EIF2B3: variants seen among roughly 807,000 people sequenced by gnomAD.
EIF2B3 encodes the protein eukaryotic translation initiation factor 2B subunit gamma.
In EIF2B3, 20 loss-of-function variants were observed where a neutral mutation model predicts 54.1. The ratio of observed to expected loss-of-function variants is 0.37; its 90% confidence interval spans 0.26 to 0.54. The LOEUF is 0.54. Ranked by LOEUF, EIF2B3 falls within the 20% of genes least tolerant of loss-of-function variation. The pLI, the probability that EIF2B3 is intolerant of heterozygous loss-of-function variation, is 0.86. For synonymous variants in EIF2B3, 153 were observed against 188.1 expected (o/e 0.81, Z 1.52); for missense variants, 448 against 547.8 (o/e 0.82, Z 1.82).
chr1:44,929,477 T>A (rs1462333858), intron 4 of EIF2B3, among the ~76,000 whole-genome samples: 2 of 152,192 alleles, frequency 1.3e-5, no homozygotes, highest in Non-Finnish European at 2.9e-5. Flanking sequence ...AATTATATGT[T>A]GGGGTTTTTT....
chr1:44,972,750 C>T (rs1644415402), intron 3 of EIF2B3, among the ~76,000 whole-genome samples: 1 of 152,086 alleles, frequency 6.6e-6, no homozygotes, highest in Non-Finnish European at 1.5e-5. Flanking sequence ...TCACTGCAAC[C>T]TTCACCTCTC....
intron 3 of EIF2B3, among the ~76,000 whole-genome samples, chr1:44,962,832 C>T (rs1405090133): frequency 6.6e-6 from 1 of 152,208 alleles, no homozygotes; most frequent in Non-Finnish European, 1.5e-5. Context: ...TGGACAAACT[C>T]TTTGTGCCAG....
intron 5 of EIF2B3, among the ~76,000 whole-genome samples, chr1:44,916,051 T>C (rs1004858525): frequency 1.8e-4 from 27 of 152,300 alleles, no homozygotes; most frequent in African/African-American, 6.5e-4. Flanking sequence ...TATCTCTTGA[T>C]TTTTGGCAGT....
At chr1:44,977,432 A>G (rs1351318793) in intron 3 of EIF2B3, among the ~76,000 whole-genome samples, 2 of 151,948 alleles carry the variant, frequency 1.3e-5, no homozygotes, top group African/African-American at 2.4e-5. Context: ...CAAACTTCAT[A>G]TGAATGGAAT....
At chr1:44,893,097 T>C (rs751948629) in intron 6 of EIF2B3, among the ~76,000 whole-genome samples, 1 of 152,212 alleles carries the variant, frequency 6.6e-6, no homozygotes, top group Non-Finnish European at 1.5e-5. Context: ...TCTCTTTCTG[T>C]CTACCAGGCT....
chr1:44,903,951 C>T (rs1282057069), intron 5 of EIF2B3, among the ~76,000 whole-genome samples: 1 of 152,114 alleles, frequency 6.6e-6, no homozygotes, highest in African/African-American at 2.4e-5. Flanking sequence ...GTAGCACACA[C>T]CTGTAATCTC....
chr1:44,873,981 T>A (rs1362218837), intron 10 of EIF2B3, among the ~76,000 whole-genome samples: 4 of 151,884 alleles, frequency 2.6e-5, no homozygotes, highest in South Asian at 4.2e-4. Flanking sequence ...TTTTTTAAAA[T>A]TTTTTTGAAT....
intron 5 of EIF2B3, among the ~76,000 whole-genome samples, chr1:44,918,228 C>T (rs1029899123): frequency 3.3e-5 from 5 of 149,958 alleles, no homozygotes; most frequent in Non-Finnish European, 4.4e-5. Context: ...GGATTACATG[C>T]ATCCACCACC....
intron 3 of EIF2B3, among the ~76,000 whole-genome samples, chr1:44,968,991 G>A (rs868587312): frequency 1.4e-4 from 21 of 152,044 alleles, no homozygotes; most frequent in African/African-American, 4.1e-4. Context: ...ACATAACGGT[G>A]GCAGATTACT....
chr1:44,926,782 G>T (rs769958739), intron 4 of EIF2B3, 43 bp from the exon 5 acceptor site: 10 of 1,529,180 alleles, frequency 6.5e-6, no homozygotes, highest in South Asian at 4.5e-5. Context: ...AAAGCCATTT[G>T]CCCTGCCTGT....
At chr1:44,908,263 C>T (rs1270740020) in intron 5 of EIF2B3, among the ~76,000 whole-genome samples, 1 of 152,196 alleles carries the variant, frequency 6.6e-6, no homozygotes, top group Non-Finnish European at 1.5e-5. Context: ...AATACAACCA[C>T]TATCCTTATG....
At chr1:44,909,862 T>C (rs1156407536) in intron 5 of EIF2B3, among the ~76,000 whole-genome samples, 2 of 152,148 alleles carry the variant, frequency 1.3e-5, no homozygotes, top group African/African-American at 4.8e-5. Flanking sequence ...TCCCACACCA[T>C]TGGGAAAATA....
At chr1:44,879,679 T>C (rs1443879557) in intron 8 of EIF2B3, 139 bp downstream of exon 8, 8 of 988,732 alleles carry the variant, frequency 8.1e-6, no homozygotes, top group South Asian at 1.4e-5. Context: ...GTAGTCTCCC[T>C]TGACGTGCCA....
chr1:44,965,131 T>C (rs1264523033), intron 3 of EIF2B3, among the ~76,000 whole-genome samples: 1 of 152,132 alleles, frequency 6.6e-6, no homozygotes, highest in Non-Finnish European at 1.5e-5. Flanking sequence ...ATTTCTCCTA[T>C]AAGCCTGGAA....
At chr1:44,944,828 CAAAT>C (rs1017307460) in intron 3 of EIF2B3, among the ~76,000 whole-genome samples, 3 of 151,780 alleles carry the variant, frequency 2.0e-5, no homozygotes, top group African/African-American at 7.3e-5. Flanking sequence ...GGCCTTGTCT[CAAAT>C]AAATAAATAG....
intron 6 of EIF2B3, among the ~76,000 whole-genome samples, chr1:44,882,673 G>A (rs1655441230): frequency 1.3e-5 from 2 of 150,810 alleles, no homozygotes; most frequent in Admixed American, 1.3e-4. Flanking sequence ...GGAGTGCAGT[G>A]GCATGATCTC....
At position 44,962,179 on chromosome 1, in the gene EIF2B3, C is replaced by T. The variant is rs527559101; in HGVS notation, c.294+16136G>A. 7.4e-5 allele frequency among the ~76,000 whole-genome samples: 11 copies of T among 148,374 alleles called. No individual in the cohort carries two copies. In the Middle Eastern group the frequency reaches 0.01, roughly 139 times the overall value. On this transcript the variant is annotated intron_variant, in intron 3 of 11. Coordinates refer to ENST00000360403, the MANE Select transcript of EIF2B3 (RefSeq NM_020365.5). The stretch of plus-strand genomic sequence containing the variant: ...TGCACTCCAGCCTGGGTGACAAGAG[C>T]GAAACTCCGTCTCAATCATCATCAA...
chr1:44,898,857 AT>A (rs1225314564), intron 5 of EIF2B3, among the ~76,000 whole-genome samples: 1 of 151,964 alleles, frequency 6.6e-6, no homozygotes, highest in East Asian at 1.9e-4. Context: ...CAGCTGGCTA[AT>A]TTTTTTTATT....
intron 8 of EIF2B3, among the ~76,000 whole-genome samples, chr1:44,877,209 A>ACAAAC (rs1474104486): frequency 6.8e-6 from 1 of 147,818 alleles, no homozygotes; most frequent in African/African-American, 2.5e-5. Context: ...AAAAAAAAAA[A>ACAAAC]AAAAAAAAAA....
Sources: gnomAD v4.1 joint callset for allele counts (sites outside exome capture counted in the v4.1 genomes callset) on GRCh38, gnomAD v4.1.1 for gene constraint, MANE v1.5 for transcripts, NCBI Gene and HGNC (gene_info 2026-07-23, HGNC 2026-07-21) for gene names.